Variants in AQR observed in about 807,000 individuals in gnomAD.
AQR encodes aquarius intron-binding spliceosomal factor.
A neutral mutation model predicts 180.5 loss-of-function variants in AQR; 61 were observed. The observed-to-expected ratio is 0.34, with a 90% CI of 0.28 to 0.42. The LOEUF is 0.42. Ranked by LOEUF, AQR falls within the 10% of genes least tolerant of loss-of-function variation. AQR has a pLI of 1.00. For missense variants in AQR, 1,281 were observed against 1,798.3 expected, an observed-to-expected ratio of 0.71 and a Z score of 5.20; for synonymous variants, 551 against 588.8, an observed-to-expected ratio of 0.94 and a Z score of 0.93.
intron 19 of AQR, among the ~76,000 whole-genome samples, chr15:34,901,965 A>G (rs139488832): frequency 2.3e-4 from 35 of 152,356 alleles, no homozygotes; most frequent in African/African-American, 7.7e-4. Flanking sequence ...AAGATAAAAT[A>G]TGTCCTTAAC....
In AQR at chr15:34,940,988, T is replaced by C. The variant is rs1390781773; in HGVS notation, c.552A>G (p.Glu184=). The change falls in exon 8 of 35, where the codon GAA becomes GAG. Residue 184 remains glutamate, a synonymous_variant. Coordinates refer to ENST00000156471, the MANE Select transcript of AQR (RefSeq NM_014691.3). ...MWMGLQLARL[E]LELKKTPKLR... Reference sequence around the variant, plus strand: ...GCTTAGGTGTCTTTTTTAATTCTAATTCCAATCGTGCCTGAAGAAGAGATG... The same window carrying C: ...GCTTAGGTGTCTTTTTTAATTCTAACTCCAATCGTGCCTGAAGAAGAGATG... 1 of 1,603,254 alleles carries C rather than the reference T, an allele frequency of 6.2e-7. No individual in the cohort carries two copies. The highest frequency in any genetic ancestry group is 1.7e-5 in the Admixed American group (1 of 58,350).
chr15:34,921,108 G>C (rs1893677421), intron 13 of AQR, among the ~76,000 whole-genome samples: 1 of 152,106 alleles, frequency 6.6e-6, no homozygotes, highest in African/African-American at 2.4e-5. Flanking sequence ...AAAATGGGAA[G>C]TACATATTTT....
chr15:34,914,979 CAGA>C (rs1893558802), intron 16 of AQR, 56 bp downstream of exon 16: 6 of 1,506,570 alleles, frequency 4.0e-6, no homozygotes, highest in Non-Finnish European at 5.3e-6. Flanking sequence ...AGGTTTCTGA[CAGA>C]AGTTTATCAG....
intron 32 of AQR, among the ~76,000 whole-genome samples, chr15:34,865,034 T>C (rs1892722260): frequency 6.6e-6 from 1 of 151,910 alleles, no homozygotes; most frequent in East Asian, 1.9e-4. Context: ...ACTACGAACA[T>C]AACAAACTAC....
Position 34,906,094 on chromosome 15 carries a change from T to C in AQR, c.1831+451A>G, listed in dbSNP as rs577901393. Among the ~76,000 whole-genome samples the C allele has an allele frequency of 8.5e-5, 13 of 152,150 alleles. No individual in the cohort carries two copies. In the South Asian group the frequency reaches 2.7e-3, roughly 32 times the overall value. On this transcript the variant is annotated intron_variant, in intron 18 of 34. Transcript: ENST00000156471. ...ATATCTAACATAGAAGTTCTGAAACTGTCTGGGTGTGGTGGCGGCTCATGT... is the reference window on the plus strand; with the variant it reads ...ATATCTAACATAGAAGTTCTGAAACCGTCTGGGTGTGGTGGCGGCTCATGT...
intron 24 of AQR, among the ~76,000 whole-genome samples, chr15:34,889,422 T>A (rs189561014): frequency 6.6e-6 from 1 of 152,260 alleles, no homozygotes; most frequent in African/African-American, 2.4e-5. Flanking sequence ...ACATTAAATA[T>A]GTCCAGCTGT....
At chr15:34,896,093 A>G (rs1403321845) in intron 22 of AQR, among the ~76,000 whole-genome samples, 2 of 152,246 alleles carry the variant, frequency 1.3e-5, no homozygotes, top group African/African-American at 4.8e-5. Context: ...CTTAAAAATT[A>G]AACACACTTC....
chr15:34,884,299 C>T (rs1196465595), intron 26 of AQR, among the ~76,000 whole-genome samples: 3 of 151,568 alleles, frequency 2.0e-5, no homozygotes, highest in African/African-American at 7.3e-5. Context: ...CCCAGCTGCT[C>T]GGAAGCTGAG....
intron 33 of AQR, among the ~76,000 whole-genome samples, chr15:34,862,573 T>C: frequency 6.6e-6 from 1 of 152,132 alleles, no homozygotes; most frequent in East Asian, 1.9e-4. Context: ...TATTTATTTA[T>C]TTTTTATAGA....
At chr15:34,964,382 A>G (rs2050298480) in intron 1 of AQR, 92 bp from the exon 2 acceptor site, 1 of 1,061,706 alleles carries the variant, frequency 9.4e-7, no homozygotes, top group Non-Finnish European at 1.4e-6. Context: ...GTTTCTTAAC[A>G]AGGCCCTACT....
chr15:34,956,571 G>C (rs538800519), intron 3 of AQR, among the ~76,000 whole-genome samples: 1 of 152,096 alleles, frequency 6.6e-6, no homozygotes, highest in South Asian at 2.1e-4. Flanking sequence ...AGAATCGCTG[G>C]AACCCAGGAG....
chr15:34,949,789 T>G (rs1229307134), intron 4 of AQR, among the ~76,000 whole-genome samples: 1 of 136,990 alleles, frequency 7.3e-6, no homozygotes, highest in African/African-American at 2.8e-5. Context: ...AGACCTTATC[T>G]CTATTAAAAA....
At chr15:34,927,160 TATTAATA>T in intron 12 of AQR, 22 bp from the exon 13 acceptor site, 1 of 1,382,686 alleles carries the variant, frequency 7.2e-7, no homozygotes, top group Non-Finnish European at 1.0e-6. Context: ...TGGCAAAAAA[TATTAATA>T]ATTAATGTCT....
chr15:34,863,603 T>C (rs1021643548), intron 32 of AQR, among the ~76,000 whole-genome samples: 6 of 152,296 alleles, frequency 3.9e-5, no homozygotes, highest in South Asian at 2.1e-4. Flanking sequence ...ACATGTTTTA[T>C]CCATGTATTT....
chr15:34,880,871 C>T (rs969096354), intron 27 of AQR, among the ~76,000 whole-genome samples: 5 of 152,122 alleles, frequency 3.3e-5, no homozygotes, highest in Non-Finnish European at 7.4e-5. Context: ...ATAAATGGGA[C>T]GGATGAGCAG....
Position 34,915,167 on chromosome 15 carries a change from A to G in AQR, c.1355T>C (p.Leu452Pro). 6.3e-7 allele frequency: 1 copy of G among 1,585,358 alleles called. No individual in the cohort carries two copies. The highest frequency in any genetic ancestry group is 8.5e-7 in the Non-Finnish European group (1 of 1,172,386). ...CAAAAACTGCAAATTCAATTTGGGAAGAGCAAGACAACCTGAAAAGGAAAA... is the reference window on the plus strand; with the variant it reads ...CAAAAACTGCAAATTCAATTTGGGAGGAGCAAGACAACCTGAAAAGGAAAA... ...EYYSGEGCLALPKLNLQFLTL... is the reference protein window; with the variant it reads ...EYYSGEGCLAPPKLNLQFLTL... The change falls in exon 16 of 35, where the codon CTT (leucine) becomes CCT (proline). Residue 452 changes from leucine to proline, a missense_variant. Transcript: ENST00000156471.
At chr15:34,944,509 A>C (rs909026777) in intron 5 of AQR, 81 bp from the exon 6 acceptor site, 13 of 1,405,412 alleles carry the variant, frequency 9.2e-6, no homozygotes, top group African/African-American at 4.4e-5. Flanking sequence ...GCTTTTTAGC[A>C]GTCTATTAAA....
chr15:34,853,061 G>A lies in AQR; in HGVS notation c.*3731C>T, dbSNP rs1462293432. On this transcript the variant is annotated 3_prime_UTR_variant, in exon 35 of 35. Transcript: ENST00000156471. ...TAAATCCTTGTAACTGAAGAGTATC[G>A]GTGGATGAAGAAAAAATAGTCTCAC... 3 of 152,096 alleles carry A rather than the reference G, an allele frequency of 2.0e-5. No homozygotes were observed. Among genetic ancestry groups the A allele is most frequent in the Non-Finnish European group, 2.9e-5 (2 of 68,016 alleles). 9.4% of individuals were successfully genotyped at this position (152,096 alleles called of 1,614,324 possible).
rs139281683 is a variant in AQR at position 34,935,468 on chromosome 15, T to C, written c.719-833A>G. ...TGACTAACACCCAGTGCCAGATCTATAGAAGGCATCCTACAAATGCTTACA... is the reference window on the plus strand; with the variant it reads ...TGACTAACACCCAGTGCCAGATCTACAGAAGGCATCCTACAAATGCTTACA... On this transcript the variant is annotated intron_variant, in intron 9 of 34. Transcript: ENST00000156471. Among the ~76,000 whole-genome samples the C allele has an allele frequency of 9.1e-4, 139 of 152,336 alleles. 2 individuals carry two copies. Among genetic ancestry groups the C allele is most frequent in the East Asian group, 8.3e-3 (43 of 5,190 alleles).
Sources: allele counts gnomAD v4.1 joint callset (sites outside exome capture counted in the v4.1 genomes callset), GRCh38; gene constraint gnomAD v4.1.1; transcripts MANE v1.5; gene names NCBI Gene and HGNC (gene_info 2026-07-23, HGNC 2026-07-21).